Variants in RIMBP2 observed in about 807,000 individuals in gnomAD.
The protein encoded by RIMBP2 is RIMS binding protein 2.
In RIMBP2, 48 loss-of-function variants were observed where a neutral mutation model predicts 118.6. That is an observed-to-expected ratio of 0.40 (90% CI 0.32 to 0.51). RIMBP2 has a LOEUF of 0.51. RIMBP2 is among the 20% of genes least tolerant of loss of function. RIMBP2 has a pLI of 0.41. For missense variants in RIMBP2, 1,551 were observed against 1,768.3 expected (o/e 0.88, Z 2.20); for synonymous variants, 762 against 742.9 (o/e 1.03, Z -0.42).
At chr12:130,474,028 C>T (rs1002693659) in intron 5 of RIMBP2, among the ~76,000 whole-genome samples, 5 of 152,136 alleles carry the variant, frequency 3.3e-5, no homozygotes, top group African/African-American at 1.2e-4. Flanking sequence ...TAGCTCACAC[C>T]ACTGGATTAT....
At position 130,612,973 on chromosome 12, in the gene RIMBP2, C is replaced by T. The variant is rs192373484; in HGVS notation, c.-217+15349G>A. On this transcript the variant is annotated intron_variant, in intron 2 of 22. Coordinates refer to ENST00000690449, the MANE Select transcript of RIMBP2 (RefSeq NM_001393629.1). ...ACAGCCTCCACCTAGTCTCCAGCCCCCCGTCATCGCCACCTGCACAGGCTA... is the reference window on the plus strand; with the variant it reads ...ACAGCCTCCACCTAGTCTCCAGCCCTCCGTCATCGCCACCTGCACAGGCTA... Among the ~76,000 whole-genome samples the T allele has an allele frequency of 2.3e-4, 35 of 152,152 alleles. 1 individual carries two copies. In the South Asian group the frequency reaches 4.0e-3, roughly 17 times the overall value.
At chr12:130,695,248 T>C (rs1322215521) in intron 1 of RIMBP2, among the ~76,000 whole-genome samples, 1 of 152,196 alleles carries the variant, frequency 6.6e-6, no homozygotes, top group Non-Finnish European at 1.5e-5. Flanking sequence ...CCTGAGTTCC[T>C]GTTCACTCTG....
chr12:130,640,660 G>A (rs959617501), intron 1 of RIMBP2, among the ~76,000 whole-genome samples: 3 of 152,274 alleles, frequency 2.0e-5, no homozygotes, highest in Admixed American at 6.5e-5. Context: ...CACCACGGCC[G>A]GCCCAGAGGG....
intron 2 of RIMBP2, among the ~76,000 whole-genome samples, chr12:130,522,482 T>C (rs1409593690): frequency 2.0e-5 from 3 of 152,350 alleles, no homozygotes; most frequent in Admixed American, 2.0e-4. Context: ...CTTTAGGAGC[T>C]GGGACACTGG....
chr12:130,436,811 G>A (rs2077552360), intron 13 of RIMBP2, 31 bp downstream of exon 13: 1 of 1,371,458 alleles, frequency 7.3e-7, no homozygotes, highest in Non-Finnish European at 9.4e-7. Context: ...TGGGGACTGA[G>A]GAGCCACCGA....
At chr12:130,489,477 G>C (rs1204064379) in intron 4 of RIMBP2, among the ~76,000 whole-genome samples, 1 of 152,116 alleles carries the variant, frequency 6.6e-6, no homozygotes, top group African/African-American at 2.4e-5. Flanking sequence ...TGGGTGGTCA[G>C]TCAACAGGCA....
Position 130,615,499 on chromosome 12 carries a change from CG to C in RIMBP2, c.-217+12822del, listed in dbSNP as rs563556885. 3.6e-4 allele frequency among the ~76,000 whole-genome samples: 54 copies of C among 151,698 alleles called. 1 individual carries two copies. The South Asian group carries it at 0.01, about 29-fold the overall frequency. On this transcript the variant is annotated intron_variant, in intron 2 of 22. Transcript: ENST00000690449. ...CTAATTTTTGTGTTTTCAGTAGAGA[CG>C]GGTTTTCACCTTGTTGGCCAGGCTG...
At chr12:130,685,842 G>C (rs1453527214) in intron 1 of RIMBP2, among the ~76,000 whole-genome samples, 1 of 152,140 alleles carries the variant, frequency 6.6e-6, no homozygotes, top group Non-Finnish European at 1.5e-5. Context: ...TCTCAGAGAT[G>C]AGCTGAACTG....
In RIMBP2 at chr12:130,424,510, G is replaced by A; in HGVS notation, c.2761C>T (p.Leu921=). ...TCGTCCTCTTCACTCCCACAGTCCA[G>A]GCCGCTGTCCGGGCTCCGGGTGGCC... is the stretch of plus-strand genomic sequence containing the variant. The part of the protein sequence containing the change: ...RSATRSPDSG[L]DCGSEEDESR... The change falls in exon 16 of 23, where the codon CTG becomes TTG. Residue 921 remains leucine, a synonymous_variant. Coordinates refer to ENST00000690449, the MANE Select transcript of RIMBP2 (RefSeq NM_001393629.1). The surrounding 1 kb of genome is among the most constrained non-coding windows in gnomAD (Gnocchi z 9.8). 1 of 1,232,038 alleles carries A rather than the reference G, an allele frequency of 8.1e-7. No individual in the cohort carries two copies. The highest frequency in any genetic ancestry group is 1.0e-6 in the Non-Finnish European group (1 of 987,880). 76.3% of individuals were successfully genotyped at this position (1,232,038 alleles called of 1,614,324 possible). A position where few individuals can be genotyped will look rare whatever the true frequency, so the allele number is the denominator to read the frequency against.
At chr12:130,456,444 C>G in intron 7 of RIMBP2, 52 bp downstream of exon 7, 1 of 1,490,758 alleles carries the variant, frequency 6.7e-7, no homozygotes, top group Non-Finnish European at 9.1e-7. Context: ...CGCAGGCAGC[C>G]AACGGCCATT....
At chr12:130,680,055 C>T (rs1276787366) in intron 1 of RIMBP2, among the ~76,000 whole-genome samples, 1 of 152,142 alleles carries the variant, frequency 6.6e-6, no homozygotes, top group Non-Finnish European at 1.5e-5. Context: ...TGTGATCACG[C>T]AGGCAGTGTG....
At position 130,438,351 on chromosome 12, in the gene RIMBP2, C is replaced by CCACCAA; in HGVS notation, c.1656+13_1656+14insTTGGTG. 1 of 1,589,910 alleles carries CCACCAA rather than the reference C, an allele frequency of 6.3e-7. No homozygotes were observed. Among genetic ancestry groups the CCACCAA allele is most frequent in the Non-Finnish European group, 8.6e-7 (1 of 1,158,600 alleles). ...GCCTAACAAACCCTCCCCACCCACC[C>CCACCAA]AACGAAAACTCACCCTCTGCCCTTT... On this transcript the variant is annotated intron_variant, in intron 12 of 22. Coordinates refer to ENST00000690449, the MANE Select transcript of RIMBP2 (RefSeq NM_001393629.1).
At chr12:130,613,248 GC>G (rs1352482601) in intron 2 of RIMBP2, among the ~76,000 whole-genome samples, 1 of 152,200 alleles carries the variant, frequency 6.6e-6, no homozygotes, top group African/African-American at 2.4e-5. Context: ...GGCAGGGGAC[GC>G]CGCCCCCAGG....
At chr12:130,444,809 C>G (rs1490057679) in intron 10 of RIMBP2, among the ~76,000 whole-genome samples, 1 of 152,130 alleles carries the variant, frequency 6.6e-6, no homozygotes, top group African/African-American at 2.4e-5. Flanking sequence ...TCTGGGAGAC[C>G]CTGAGGGTGC....
chr12:130,478,371 G>A (rs774690372), intron 5 of RIMBP2, among the ~76,000 whole-genome samples: 6 of 152,060 alleles, frequency 3.9e-5, no homozygotes, highest in Non-Finnish European at 7.4e-5. Context: ...GATCCTTTTC[G>A]CTGACATCAC....
chr12:130,555,189 C>T (rs912059282), intron 2 of RIMBP2, among the ~76,000 whole-genome samples: 2 of 152,182 alleles, frequency 1.3e-5, no homozygotes, highest in Non-Finnish European at 1.5e-5. Context: ...CCTGTATCAG[C>T]TCCCTGTGGT....
At chr12:130,645,590 T>G (rs1031553483) in intron 1 of RIMBP2, among the ~76,000 whole-genome samples, 1 of 152,190 alleles carries the variant, frequency 6.6e-6, no homozygotes. Flanking sequence ...CCTCTCCCAC[T>G]GGAGCAAGCA....
intron 4 of RIMBP2, among the ~76,000 whole-genome samples, chr12:130,480,890 C>A (rs543571514): frequency 1.3e-5 from 2 of 152,316 alleles, no homozygotes; most frequent in South Asian, 4.1e-4. Context: ...CGTGAGCCAC[C>A]GCGCCCGACC....
intron 2 of RIMBP2, among the ~76,000 whole-genome samples, chr12:130,604,123 G>A (rs565734471): frequency 5.3e-5 from 8 of 152,100 alleles, no homozygotes; most frequent in East Asian, 1.9e-4. Flanking sequence ...TAATGTGTGC[G>A]TTTGTGTCTT....
Sources: allele counts gnomAD v4.1 joint callset (sites outside exome capture counted in the v4.1 genomes callset), GRCh38; gene constraint gnomAD v4.1.1; non-coding constraint Gnocchi (gnomAD v3.1); transcripts MANE v1.5; gene names NCBI Gene and HGNC (gene_info 2026-07-23, HGNC 2026-07-21).